SUMF1: variants seen among roughly 807,000 people sequenced by gnomAD.
The protein encoded by SUMF1 is sulfatase modifying factor 1.
SUMF1 carries 48 observed loss-of-function variants against 47.6 expected under a neutral mutation model. That is an observed-to-expected ratio of 1.01 (90% CI 0.80 to 1.28). SUMF1 has a LOEUF of 1.28. SUMF1 is among the 50% of genes most tolerant of loss of function. The pLI is 0.00. For synonymous variants in SUMF1, 230 were observed against 192.1 expected (o/e 1.20, Z -1.63); for missense variants, 571 against 485.4 (o/e 1.18, Z -1.66).
intron 8 of SUMF1, among the ~76,000 whole-genome samples, chr3:4,092,868 T>C (rs1377892682): frequency 6.6e-6 from 1 of 152,072 alleles, no homozygotes; most frequent in Non-Finnish European, 1.5e-5. Flanking sequence ...GTAAGGCTGA[T>C]AATAGTCATG....
intron 8 of SUMF1, among the ~76,000 whole-genome samples, chr3:4,287,593 GGA>G (rs2125051663): frequency 6.6e-6 from 1 of 152,220 alleles, no homozygotes; most frequent in South Asian, 2.1e-4. Context: ...CACAAAGATA[GGA>G]CCTCACCAAA....
intron 3 of SUMF1, among the ~76,000 whole-genome samples, chr3:4,426,306 TGAA>T (rs1702065763): frequency 6.6e-6 from 1 of 152,108 alleles, no homozygotes; most frequent in Admixed American, 6.5e-5. Flanking sequence ...ATTTCACACA[TGAA>T]GAAGGAGAGA....
At chr3:4,350,507 G>A (rs1257478753) in intron 8 of SUMF1, among the ~76,000 whole-genome samples, 3 of 152,008 alleles carry the variant, frequency 2.0e-5, no homozygotes, top group Non-Finnish European at 2.9e-5. Flanking sequence ...GCATGGATAT[G>A]GGAGAAGACC....
chr3:4,169,043 T>A (rs993366987), intron 8 of SUMF1, among the ~76,000 whole-genome samples: 4 of 152,200 alleles, frequency 2.6e-5, no homozygotes, highest in African/African-American at 9.7e-5. Context: ...CGGGAAAAAG[T>A]AGATAGAAAA....
At chr3:4,444,142 T>C (rs927180956) in intron 3 of SUMF1, among the ~76,000 whole-genome samples, 2 of 152,212 alleles carry the variant, frequency 1.3e-5, no homozygotes, top group African/African-American at 4.8e-5. Context: ...TAGCAATGCT[T>C]TATTCCAAAA....
intron 8 of SUMF1, among the ~76,000 whole-genome samples, chr3:4,323,422 T>C (rs1698878520): frequency 6.6e-6 from 1 of 152,182 alleles, no homozygotes; most frequent in South Asian, 2.1e-4. Flanking sequence ...CACCAACAAG[T>C]ACATGGTTTC....
At chr3:4,151,465 A>G (rs113136259) in intron 8 of SUMF1, among the ~76,000 whole-genome samples, 4,856 of 142,366 alleles carry the variant, frequency 0.034, 372 homozygotes, top group East Asian at 0.18. Flanking sequence ...ATGTGTATAT[A>G]TGTATATATG....
At chr3:4,214,810 T>A (rs980513677) in intron 8 of SUMF1, among the ~76,000 whole-genome samples, 4 of 151,940 alleles carry the variant, frequency 2.6e-5, no homozygotes, top group Non-Finnish European at 5.9e-5. Context: ...AATGAATAAA[T>A]TCCTGGACAC....
intron 8 of SUMF1, among the ~76,000 whole-genome samples, chr3:4,331,225 A>T (rs984853600): frequency 2.5e-5 from 1 of 40,442 alleles, no homozygotes; most frequent in Non-Finnish European, 6.3e-5. Context: ...CTTTAATTTA[A>T]AAAAAAAAAA....
At chr3:4,313,742 G>T (rs1490193550) in intron 8 of SUMF1, 1 of 1,614,042 alleles carries the variant, frequency 6.2e-7, no homozygotes, top group East Asian at 2.2e-5. Context: ...TTCCCCTCCT[G>T]CAAGCGATTG....
chr3:4,445,277 C>T (rs1702740964), intron 3 of SUMF1, among the ~76,000 whole-genome samples: 1 of 152,042 alleles, frequency 6.6e-6, no homozygotes. Flanking sequence ...AAAAGATATG[C>T]CCAAACCTTC....
intron 8 of SUMF1, among the ~76,000 whole-genome samples, chr3:4,257,796 G>A (rs1696989431): frequency 6.6e-6 from 1 of 152,018 alleles, no homozygotes; most frequent in Non-Finnish European, 1.5e-5. Context: ...AAGAGCCCGT[G>A]TGGCCAAGTC....
intron 8 of SUMF1, among the ~76,000 whole-genome samples, chr3:4,189,832 C>G (rs1695278181): frequency 1.3e-5 from 2 of 152,158 alleles, no homozygotes; most frequent in South Asian, 4.1e-4. Context: ...CACTCCCTGA[C>G]TATGTGCCTA....
intron 8 of SUMF1, among the ~76,000 whole-genome samples, chr3:4,347,125 TC>T (rs1203462592): frequency 1.3e-5 from 2 of 152,236 alleles, no homozygotes; most frequent in Non-Finnish European, 2.9e-5. Context: ...CTGGTACCAT[TC>T]CTTCTGAAAC....
intron 6 of SUMF1, among the ~76,000 whole-genome samples, chr3:4,411,889 T>A (rs1701555737): frequency 6.6e-6 from 1 of 152,158 alleles, no homozygotes; most frequent in Non-Finnish European, 1.5e-5. Flanking sequence ...TTAAAAATCT[T>A]TTTGTAAATC....
intron 8 of SUMF1, among the ~76,000 whole-genome samples, chr3:4,172,161 A>G (rs1559534004): frequency 6.6e-6 from 1 of 152,190 alleles, no homozygotes; most frequent in Non-Finnish European, 1.5e-5. Flanking sequence ...TTGATTTCAA[A>G]TATTTAGAAA....
rs149855962 is a variant in SUMF1 at position 4,153,586 on chromosome 3, A to C, written c.1015-84841T>G. Reference sequence around the variant, plus strand: ...TTCAATGACAGAGGAACTCCTTATAAATAAAAAATATATTCAAGCCCTAAA... The same window carrying C: ...TTCAATGACAGAGGAACTCCTTATACATAAAAAATATATTCAAGCCCTAAA... On this transcript the variant is annotated intron_variant and NMD_transcript_variant, in intron 8 of 12. Transcript: ENST00000448413. 7.7e-3 allele frequency among the ~76,000 whole-genome samples: 1,163 copies of C among 150,570 alleles called. 19 individuals carry two copies. The highest frequency in any genetic ancestry group is 0.013 in the Non-Finnish European group (904 of 67,886).
chr3:4,268,652 C>G (rs1559634647), intron 8 of SUMF1, among the ~76,000 whole-genome samples: 2 of 151,196 alleles, frequency 1.3e-5, no homozygotes, highest in Non-Finnish European at 2.9e-5. Flanking sequence ...AATATTACTT[C>G]CCCTGTTTAC....
intron 8 of SUMF1, among the ~76,000 whole-genome samples, chr3:4,290,625 A>G (rs940018444): frequency 6.6e-6 from 1 of 152,188 alleles, no homozygotes; most frequent in Non-Finnish European, 1.5e-5. Flanking sequence ...CTCAAAATAC[A>G]GTTTAAATGT....
Sources: allele counts gnomAD v4.1 joint callset (sites outside exome capture counted in the v4.1 genomes callset), GRCh38; gene constraint gnomAD v4.1.1; transcripts MANE v1.5; gene names NCBI Gene and HGNC (gene_info 2026-07-23, HGNC 2026-07-21).